The following SEMA3E variants were observed in gnomAD, a reference collection of about 807,000 sequenced individuals.
The protein encoded by SEMA3E is semaphorin-3E.
In SEMA3E, 49 loss-of-function variants were observed where a neutral mutation model predicts 93.6. The ratio of observed to expected loss-of-function variants is 0.52; its 90% CI spans 0.42 to 0.66. The LOEUF (loss-of-function observed/expected upper bound fraction) is 0.66. SEMA3E is among the 30% of genes least tolerant of loss of function. The probability of loss-of-function intolerance (pLI) is 0.00; values close to 1 mark genes in which losing one functional copy is unlikely to be tolerated. For missense variants in SEMA3E, 906 were observed against 964.8 expected (o/e 0.94, Z 0.81); for synonymous variants, 363 against 330.7 (o/e 1.10, Z -1.06).
In SEMA3E at chr7:83,507,424, CTGTGTGTGTGTGTGTGTGTG is replaced by C. The variant is rs4016317; in HGVS notation, c.116-17170_116-17151del. Reference sequence around the variant, plus strand: ...GGATTTATCACTTCAAAACAGAACTCTGTGTGTGTGTGTGTGTGTGTGTGTGTGTGTGTGTGTGTGTGTGT... The same window carrying C: ...GGATTTATCACTTCAAAACAGAACTCTGTGTGTGTGTGTGTGTGTGTGTGT... On this transcript the variant is annotated intron_variant, in intron 1 of 16. Transcript: ENST00000643230. 8.0e-3 allele frequency among the ~76,000 whole-genome samples: 1,012 copies of C among 125,990 alleles called. 11 individuals carry two copies. The highest frequency in any genetic ancestry group is 0.046 in the East Asian group (189 of 4,066). The allele number at this position is 125,990 out of a possible 152,430, so 82.7% of individuals were successfully genotyped here.
At chr7:83,600,020 A>G (rs1792953310) in intron 1 of SEMA3E, among the ~76,000 whole-genome samples, 1 of 152,186 alleles carries the variant, frequency 6.6e-6, no homozygotes, top group Non-Finnish European at 1.5e-5. Flanking sequence ...CATCAATCAT[A>G]CTACATAAAT....
intron 3 of SEMA3E, 89 bp downstream of exon 3, chr7:83,469,154 A>T (rs1789837739): frequency 9.5e-7 from 1 of 1,050,390 alleles, no homozygotes; most frequent in African/African-American, 1.6e-5. Flanking sequence ...CTTTTATAAG[A>T]GCAAATAAAA....
At chr7:83,565,609 T>C (rs1792130800) in intron 1 of SEMA3E, among the ~76,000 whole-genome samples, 1 of 152,240 alleles carries the variant, frequency 6.6e-6, no homozygotes, top group African/African-American at 2.4e-5. Context: ...TGCTTTCTGA[T>C]CTTTTATCAA....
intron 12 of SEMA3E, among the ~76,000 whole-genome samples, chr7:83,396,040 G>GTGT: frequency 1.6e-5 from 1 of 64,054 alleles, no homozygotes; most frequent in Non-Finnish European, 3.3e-5. Context: ...GATACGACTT[G>GTGT]ATGTGTGTGT....
intron 1 of SEMA3E, among the ~76,000 whole-genome samples, chr7:83,504,647 A>T (rs2115617000): frequency 6.6e-6 from 1 of 152,302 alleles, no homozygotes; most frequent in African/African-American, 2.4e-5. Flanking sequence ...GCTGCTAACC[A>T]AATTCTTCTT....
At chr7:83,432,737 T>A (rs898482063) in intron 4 of SEMA3E, among the ~76,000 whole-genome samples, 1 of 152,146 alleles carries the variant, frequency 6.6e-6, no homozygotes, top group African/African-American at 2.4e-5. Context: ...AAAGAGAACT[T>A]GATCATTTTA....
At chr7:83,402,093 G>A (rs552737103) in intron 10 of SEMA3E, among the ~76,000 whole-genome samples, 1 of 152,074 alleles carries the variant, frequency 6.6e-6, no homozygotes, top group Non-Finnish European at 1.5e-5. Flanking sequence ...TTTCCTAAGG[G>A]GCCAGCAAGG....
At chr7:83,404,491 C>A (rs991909451) in intron 9 of SEMA3E, among the ~76,000 whole-genome samples, 1 of 151,840 alleles carries the variant, frequency 6.6e-6, no homozygotes, top group Non-Finnish European at 1.5e-5. Flanking sequence ...TATTTTTTAT[C>A]CTAATCATTT....
chr7:83,390,055 G>T (rs201439983), intron 14 of SEMA3E, among the ~76,000 whole-genome samples: 2 of 125,848 alleles, frequency 1.6e-5, no homozygotes, highest in African/African-American at 6.6e-5. Flanking sequence ...GCGCGTATAC[G>T]TGTGCACATA....
rs929647865 is a variant in SEMA3E at position 83,364,406 on chromosome 7, A to G, written c.*3180T>C. On this transcript the variant is annotated 3_prime_UTR_variant, in exon 17 of 17. Transcript: ENST00000643230. ...AGATAGAAAAAACTCTAAAATATGT[A>G]TGGAATTGCCACTTACTAAACAGGC... The G allele has an allele frequency of 1.3e-5, 2 of 152,232 alleles. No homozygotes were observed. The highest frequency in any genetic ancestry group is 2.4e-5 in the African/African-American group (1 of 41,458). The allele number at this position is 152,232 out of a possible 1,614,324, so 9.4% of individuals were successfully genotyped here. A position where few individuals can be genotyped will look rare whatever the true frequency, so the allele number is the denominator to read the frequency against.
intron 7 of SEMA3E, 77 bp from the exon 8 acceptor site, chr7:83,406,136 C>A: frequency 9.6e-7 from 1 of 1,045,218 alleles, no homozygotes; most frequent in Non-Finnish European, 1.5e-6. Context: ...ATTAAACATG[C>A]AGTTGCCAAG....
At chr7:83,532,732 G>C (rs1430146031) in intron 1 of SEMA3E, among the ~76,000 whole-genome samples, 1 of 150,630 alleles carries the variant, frequency 6.6e-6, no homozygotes, top group African/African-American at 2.4e-5. Context: ...TGATCTTGAA[G>C]TCTTTTCCAG....
chr7:83,610,410 C>T (rs1423483019), intron 1 of SEMA3E, among the ~76,000 whole-genome samples: 1 of 151,854 alleles, frequency 6.6e-6, no homozygotes. Context: ...TAATTTAATT[C>T]ATATAGTTAT....
Position 83,437,657 on chromosome 7 carries a change from A to G in SEMA3E, c.457-19174T>C, listed in dbSNP as rs759377243. 5.9e-4 allele frequency among the ~76,000 whole-genome samples: 90 copies of G among 152,182 alleles called. 1 individual carries two copies. Among genetic ancestry groups the G allele is most frequent in the Non-Finnish European group, 1.0e-4 (7 of 68,000 alleles). On this transcript the variant is annotated intron_variant, in intron 4 of 16. Transcript: ENST00000643230. ...ACTATCTCAGCCATAAATATATGAA[A>G]TGGAAATTAAAACAAACTAAGAAGC...
chr7:83,371,172 G>A (rs1794744390), intron 16 of SEMA3E, among the ~76,000 whole-genome samples: 1 of 152,128 alleles, frequency 6.6e-6, no homozygotes, highest in Non-Finnish European at 1.5e-5. Flanking sequence ...CAGTGTTAGT[G>A]TTTATGTTTA....
intron 1 of SEMA3E, among the ~76,000 whole-genome samples, chr7:83,642,830 G>A (rs549277983): frequency 6.6e-6 from 1 of 152,072 alleles, no homozygotes; most frequent in African/African-American, 2.4e-5. Flanking sequence ...TATAATTTTA[G>A]TTTAGTTTTG....
At chr7:83,555,962 C>A (rs1325684788) in intron 1 of SEMA3E, among the ~76,000 whole-genome samples, 1 of 152,140 alleles carries the variant, frequency 6.6e-6, no homozygotes, top group Non-Finnish European at 1.5e-5. Flanking sequence ...AAACTGTATA[C>A]TTTTTAACTT....
At chr7:83,600,287 T>C (rs1398977039) in intron 1 of SEMA3E, among the ~76,000 whole-genome samples, 1 of 151,810 alleles carries the variant, frequency 6.6e-6, no homozygotes, top group African/African-American at 2.4e-5. Flanking sequence ...AAAGGAAGCA[T>C]CTGGGAATTA....
intron 4 of SEMA3E, among the ~76,000 whole-genome samples, chr7:83,427,890 T>C (rs1240182052): frequency 6.6e-6 from 1 of 152,198 alleles, no homozygotes; most frequent in Non-Finnish European, 1.5e-5. Context: ...TTCTATTATC[T>C]CTGTTTTAAC....
Sources: gnomAD v4.1 joint callset for allele counts (sites outside exome capture counted in the v4.1 genomes callset) on GRCh38, gnomAD v4.1.1 for gene constraint, MANE v1.5 for transcripts, NCBI Gene and HGNC (gene_info 2026-07-23, HGNC 2026-07-21) for gene names.